AKAP19: variants seen among roughly 807,000 people sequenced by gnomAD.
The protein encoded by AKAP19 is A-kinase anchoring protein 19.
At chr2:190,071,995 C>T in the AKAP19 span, among the ~76,000 whole-genome samples, 4 of 151,802 alleles carry the variant, frequency 2.6e-5, no homozygotes, top group East Asian at 1.9e-4. Context: ...AAGCATGGAA[C>T]GATTTAATAA....
At chr2:190,157,377 C>CACACACAT in the AKAP19 span, among the ~76,000 whole-genome samples, 1 of 146,272 alleles carries the variant, frequency 6.8e-6, no homozygotes, top group East Asian at 2.2e-4. Flanking sequence ...TACACACACA[C>CACACACAT]ACACACACAC....
chr2:190,184,514 G>GA, the AKAP19 span, among the ~76,000 whole-genome samples: 1 of 152,048 alleles, frequency 6.6e-6, no homozygotes, highest in African/African-American at 2.4e-5. Flanking sequence ...ACAAAATAAA[G>GA]AAAAAAATAA....
At chr2:189,913,180 G>A in the AKAP19 span, among the ~76,000 whole-genome samples, 2 of 152,044 alleles carry the variant, frequency 1.3e-5, no homozygotes, top group African/African-American at 4.8e-5. Flanking sequence ...TTTGACAAAT[G>A]TCTTTAATAA....
At chr2:190,038,710 C>T in the AKAP19 span, among the ~76,000 whole-genome samples, 3 of 152,162 alleles carry the variant, frequency 2.0e-5, no homozygotes, top group African/African-American at 7.2e-5. Flanking sequence ...CTAGGTGGTG[C>T]TTTTTCTCCT....
the AKAP19 span, among the ~76,000 whole-genome samples, chr2:190,174,488 G>A: frequency 6.6e-6 from 1 of 152,072 alleles, no homozygotes; most frequent in Admixed American, 6.5e-5. Context: ...CCCTTTCAAG[G>A]TATATTAGTC....
chr2:190,046,566 T>G, the AKAP19 span, among the ~76,000 whole-genome samples: 1 of 152,230 alleles, frequency 6.6e-6, no homozygotes, highest in African/African-American at 2.4e-5. Flanking sequence ...TACATTTAAC[T>G]GAAATTTGAC....
the AKAP19 span, among the ~76,000 whole-genome samples, chr2:190,142,071 G>A: frequency 1.3e-4 from 20 of 152,120 alleles, no homozygotes; most frequent in African/African-American, 4.6e-4. Context: ...TGGAAATTCA[G>A]GCTGTGATGT....
chr2:189,939,417 G>GAA, the AKAP19 span, among the ~76,000 whole-genome samples: 3 of 150,862 alleles, frequency 2.0e-5, no homozygotes, highest in African/African-American at 7.3e-5. Flanking sequence ...CCTAGCAGTG[G>GAA]AAAAAAAAAG....
At chr2:189,953,647 A>C in the AKAP19 span, among the ~76,000 whole-genome samples, 15 of 151,508 alleles carry the variant, frequency 9.9e-5, no homozygotes, top group Admixed American at 2.6e-4. Flanking sequence ...AAAAAAAAAA[A>C]AAAAAAAAAA....
At chr2:190,060,522 A>G in the AKAP19 span, 136 of 1,204,296 alleles carry the variant, frequency 1.1e-4, no homozygotes, top group Non-Finnish European at 1.6e-4. Flanking sequence ...ATTTTTTTAA[A>G]TTAAGATAAT....
chr2:190,080,448 G>T, the AKAP19 span, among the ~76,000 whole-genome samples: 1 of 152,198 alleles, frequency 6.6e-6, no homozygotes, highest in Non-Finnish European at 1.5e-5. Context: ...AGGGAGTCAA[G>T]GTTTAACAGA....
At chr2:189,981,423 G>C in the AKAP19 span, among the ~76,000 whole-genome samples, 1 of 152,094 alleles carries the variant, frequency 6.6e-6, no homozygotes, top group Non-Finnish European at 1.5e-5. Flanking sequence ...ATCTCTTGAA[G>C]ATAGCAGAAG....
the AKAP19 span, among the ~76,000 whole-genome samples, chr2:190,033,080 C>A: frequency 6.6e-6 from 1 of 152,190 alleles, no homozygotes; most frequent in East Asian, 1.9e-4. Flanking sequence ...AGGAGAACAA[C>A]TTCTTTTTCC....
the AKAP19 span, among the ~76,000 whole-genome samples, chr2:190,097,859 C>CAAAAAAAAAAAAAAAAAAAA: frequency 3.1e-5 from 2 of 64,506 alleles, no homozygotes; most frequent in Admixed American, 2.1e-4. Flanking sequence ...TGGTTTCTAC[C>CAAAAAAAAAAAAAAAAAAAA]AAAAAAAAAA....
At chr2:190,138,004 G>A in the AKAP19 span, among the ~76,000 whole-genome samples, 48 of 58,906 alleles carry the variant, frequency 8.1e-4, no homozygotes, top group East Asian at 1.2e-3. Context: ...GGGTACTTTC[G>A]TATTTTGAAA....
chr2:190,062,191 G>A, the AKAP19 span: 1 of 1,606,082 alleles, frequency 6.2e-7, no homozygotes, highest in Non-Finnish European at 8.5e-7. Flanking sequence ...ACAGTCAGCA[G>A]AACTGTTGAT....
the AKAP19 span, among the ~76,000 whole-genome samples, chr2:189,888,281 C>T: frequency 1.3e-5 from 2 of 152,108 alleles, no homozygotes; most frequent in African/African-American, 4.8e-5. Flanking sequence ...GGGATTATTT[C>T]TGAGGCCTGT....
the AKAP19 span, among the ~76,000 whole-genome samples, chr2:189,944,421 A>G: frequency 1.3e-5 from 2 of 152,184 alleles, no homozygotes; most frequent in Non-Finnish European, 2.9e-5. Flanking sequence ...GGATGTCAAC[A>G]CTATGCTTCC....
chr2:189,930,331 T>A, the AKAP19 span: 1 of 652,344 alleles, frequency 1.5e-6, no homozygotes. Flanking sequence ...ACGTGAAGGA[T>A]CTCATCTACC....
Sources: allele counts gnomAD v4.1 joint callset (sites outside exome capture counted in the v4.1 genomes callset), GRCh38; gene constraint gnomAD v4.1.1; transcripts MANE v1.5; gene names NCBI Gene and HGNC (gene_info 2026-07-23, HGNC 2026-07-21).